Variants in BCL2L11 observed in about 807,000 individuals in gnomAD.
The protein encoded by BCL2L11 is BCL2 like 11, also known as bcl-2-like protein 11.
A neutral mutation model predicts 20.6 loss-of-function variants in BCL2L11; 15 were observed. The observed-to-expected ratio is 0.73, with a 90% CI of 0.49 to 1.12. BCL2L11 has a LOEUF of 1.12. BCL2L11 is among the 50% of genes most tolerant of loss of function. The pLI, the probability that BCL2L11 is intolerant of heterozygous loss-of-function variation, is 0.00. For synonymous variants in BCL2L11, 108 were observed against 92.8 expected (o/e 1.16, Z -0.94); for missense variants, 292 against 260.9 (o/e 1.12, Z -0.82).
At chr2:111,141,110 G>A (rs2075727621) in intron 2 of BCL2L11, among the ~76,000 whole-genome samples, 1 of 152,248 alleles carries the variant, frequency 6.6e-6, no homozygotes, top group Admixed American at 6.5e-5. Flanking sequence ...TAGCCTGCCT[G>A]GAAATCTCAG....
At chr2:111,157,592 T>G (rs6739435) in intron 3 of BCL2L11, among the ~76,000 whole-genome samples, 3,968 of 152,214 alleles carry the variant, frequency 0.026, 167 homozygotes, top group African/African-American at 0.089. Flanking sequence ...GTTCCCCAGT[T>G]TAGCCAGCAC....
chr2:111,130,109 C>CTT (rs750092051), intron 2 of BCL2L11: 5,134 of 337,582 alleles, frequency 0.015, 5 homozygotes, highest in South Asian at 0.022. Context: ...TTTTACTTCT[C>CTT]TTTTTTTTTT....
At chr2:111,128,566 G>A in intron 2 of BCL2L11, 2 of 1,458,382 alleles carry the variant, frequency 1.4e-6, no homozygotes, top group East Asian at 2.6e-5. Context: ...CACCAACAGG[G>A]CACAAGGGTT....
chr2:111,133,590 C>G (rs991225863), intron 2 of BCL2L11, among the ~76,000 whole-genome samples: 6 of 152,064 alleles, frequency 3.9e-5, no homozygotes, highest in Admixed American at 2.6e-4. Flanking sequence ...ATATTTTATT[C>G]TATTTCGGTT....
chr2:111,121,012 CG>C lies in BCL2L11; in HGVS notation c.-189del, dbSNP rs2070781689. 2.5e-6 allele frequency: 1 copy of C among 398,236 alleles called. No individual in the cohort carries two copies. The highest frequency in any genetic ancestry group is 2.2e-5 in the African/African-American group (1 of 45,506). 24.7% of individuals were successfully genotyped at this position (398,236 alleles called of 1,614,324 possible). ...CCGCCGCCGCCGCCGCCGCCGCCGC[CG>C]CCGCCGCCACTACCACCACTTGATT... On this transcript the variant is annotated 5_prime_UTR_variant, in exon 1 of 4. Transcript: ENST00000393256.
intron 1 of BCL2L11, among the ~76,000 whole-genome samples, chr2:111,122,318 A>G (rs904982298): frequency 6.6e-6 from 1 of 152,130 alleles, no homozygotes; most frequent in African/African-American, 2.4e-5. Flanking sequence ...CTGGCTGTCC[A>G]GGACGGCGGG....
At chr2:111,155,535 G>T (rs1189534074) in intron 3 of BCL2L11, among the ~76,000 whole-genome samples, 1 of 152,090 alleles carries the variant, frequency 6.6e-6, no homozygotes, top group Non-Finnish European at 1.5e-5. Context: ...GGAATAACTG[G>T]ACCCATTCTG....
intron 3 of BCL2L11, among the ~76,000 whole-genome samples, chr2:111,157,687 C>G (rs1285285355): frequency 6.6e-6 from 1 of 152,176 alleles, no homozygotes; most frequent in Non-Finnish European, 1.5e-5. Flanking sequence ...ACAGCCTCAC[C>G]TGGACATTCA....
intron 2 of BCL2L11, chr2:111,145,849 G>T (rs978985977): frequency 2.4e-6 from 1 of 418,146 alleles, no homozygotes; most frequent in Non-Finnish European, 3.2e-6. Flanking sequence ...TGAAGATTCA[G>T]TGGACACACT....
intron 2 of BCL2L11, chr2:111,142,197 T>G (rs2150412565): frequency 1.2e-6 from 1 of 839,108 alleles, no homozygotes; most frequent in Non-Finnish European, 2.0e-6. Context: ...ATCCTTAACT[T>G]GCACTTGTGC....
chr2:111,149,992 C>T, intron 2 of BCL2L11, 52 bp from the exon 3 acceptor site: 1 of 1,517,460 alleles, frequency 6.6e-7, no homozygotes, highest in East Asian at 2.3e-5. Context: ...GGAACTTTCC[C>T]AGTGATCTGT....
chr2:111,165,510 T>G lies in BCL2L11; in HGVS notation c.*1279T>G, dbSNP rs1054296510. The G allele has an allele frequency of 1.6e-5, 2 of 124,894 alleles. No individual in the cohort carries two copies. The highest frequency in any genetic ancestry group is 3.7e-5 in the Non-Finnish European group (2 of 53,562). 7.7% of individuals were successfully genotyped at this position (124,894 alleles called of 1,614,324 possible). On this transcript the variant is annotated 3_prime_UTR_variant, in exon 4 of 4. Coordinates refer to ENST00000393256, the MANE Select transcript of BCL2L11 (RefSeq NM_138621.5). ...AAGAATAATTCTGGGCAGAAGTCTG[T>G]TTTTTTTCATTTTTCCAGGACAGTT...
At chr2:111,132,234 A>G (rs2074083779) in intron 2 of BCL2L11, 1 of 152,270 alleles carries the variant, frequency 6.6e-6, no homozygotes, top group South Asian at 2.1e-4. Flanking sequence ...TGTAGTCCTC[A>G]GAATACCATG....
In BCL2L11 at chr2:111,164,530, A is replaced by C. The variant is rs116174114; in HGVS notation, c.*299A>C. 2.8e-3 allele frequency: 705 copies of C among 254,990 alleles called. 9 individuals are homozygous for C. Among genetic ancestry groups the C allele is most frequent in the African/African-American group, 0.014 (653 of 45,968 alleles). 15.8% of individuals were successfully genotyped at this position (254,990 alleles called of 1,614,324 possible). ...TTGTGTAAGAATGGTGTTTACATGC[A>C]GTGTGTTTTCCCCCTCACCTTCAAT... On this transcript the variant is annotated 3_prime_UTR_variant, in exon 4 of 4. Transcript: ENST00000393256.
In BCL2L11 at chr2:111,150,242, TA is replaced by T. The variant is rs2077089266; in HGVS notation, c.498+97del. 2.0e-6 allele frequency: 3 copies of T among 1,526,428 alleles called. No individual in the cohort carries two copies. In the African/African-American group the frequency reaches 4.1e-5, roughly 21 times the overall value. 94.6% of individuals were successfully genotyped at this position (1,526,428 alleles called of 1,614,324 possible). A position where few individuals can be genotyped will look rare whatever the true frequency, so the allele number is the denominator to read the frequency against. On this transcript the variant is annotated intron_variant, in intron 3 of 3. Transcript: ENST00000393256. Reference sequence around the variant, plus strand: ...ACAGTGACTTCTTGTAACTACATGCTAATTCTGGAAATGATTACTGTTGCCT... The same window carrying T: ...ACAGTGACTTCTTGTAACTACATGCTATTCTGGAAATGATTACTGTTGCCT...
Position 111,122,847 on chromosome 2 carries a change from C to T in BCL2L11, c.-13-886C>T, listed in dbSNP as rs555358130. The T allele has an allele frequency of 3.3e-5, 33 of 985,396 alleles. 1 individual carries two copies. In the South Asian group the frequency reaches 1.2e-3, roughly 35 times the overall value. 61.0% of individuals were successfully genotyped at this position (985,396 alleles called of 1,614,324 possible). A position where few individuals can be genotyped will look rare whatever the true frequency, so the allele number is the denominator to read the frequency against. On this transcript the variant is annotated intron_variant, in intron 1 of 3. Coordinates refer to ENST00000393256, the MANE Select transcript of BCL2L11 (RefSeq NM_138621.5). Reference sequence around the variant, plus strand: ...TGGTGACGGTCAGGGGGCGCCCGGTCGGCGAAGGGCGCGGGCCGGACGCCG... The same window carrying T: ...TGGTGACGGTCAGGGGGCGCCCGGTTGGCGAAGGGCGCGGGCCGGACGCCG...
At chr2:111,136,752 A>G (rs1179712070) in intron 2 of BCL2L11, among the ~76,000 whole-genome samples, 2 of 152,088 alleles carry the variant, frequency 1.3e-5, no homozygotes, top group African/African-American at 4.8e-5. Context: ...CCACCTCCTA[A>G]CACCCATCAC....
rs1407040239 is a variant in BCL2L11, at chr2:111,167,391, CCTT to C, written c.*3163_*3165del. 1.3e-5 allele frequency: 2 copies of C among 152,256 alleles called. No individual in the cohort carries two copies. The highest frequency in any genetic ancestry group is 2.4e-5 in the African/African-American group (1 of 41,454). 9.4% of individuals were successfully genotyped at this position (152,256 alleles called of 1,614,324 possible). A position where few individuals can be genotyped will look rare whatever the true frequency, so the allele number is the denominator to read the frequency against. ...TTCTACTCCAAGAAATACCCAGCAA[CCTT>C]CTGTTTGTTCCAAAGCAACTAGCTT... is the stretch of plus-strand genomic sequence containing the variant. On this transcript the variant is annotated 3_prime_UTR_variant, in exon 4 of 4. Transcript: ENST00000393256.
chr2:111,154,122 T>C (rs936456827), intron 3 of BCL2L11, among the ~76,000 whole-genome samples: 1 of 152,228 alleles, frequency 6.6e-6, no homozygotes, highest in African/African-American at 2.4e-5. Context: ...CCACTTGTTT[T>C]CATGTTTTCC....
Sources: gnomAD v4.1 joint callset for allele counts (sites outside exome capture counted in the v4.1 genomes callset) on GRCh38, gnomAD v4.1.1 for gene constraint, MANE v1.5 for transcripts, NCBI Gene and HGNC (gene_info 2026-07-23, HGNC 2026-07-21) for gene names.